Variants in SLC9A9 observed in about 807,000 individuals in gnomAD.
SLC9A9 encodes the protein sodium/hydrogen exchanger 9.
SLC9A9 carries 62 observed loss-of-function variants against 77.8 expected under a neutral mutation model. The ratio of observed to expected loss-of-function variants is 0.80; its 90% CI spans 0.65 to 0.98. The LOEUF (loss-of-function observed/expected upper bound fraction) is 0.98, where lower values mean the gene tolerates loss of function less well. Ranked by LOEUF, SLC9A9 falls within the 50% of genes least tolerant of loss-of-function variation. The pLI, the probability that SLC9A9 is intolerant of heterozygous loss-of-function variation, is 0.00. For synonymous variants in SLC9A9, 320 were observed against 283.5 expected (o/e 1.13, Z -1.29); for missense variants, 775 against 774.9 (o/e 1.00, Z 0.00).
chr3:143,748,349 A>T (rs558728264), intron 4 of SLC9A9, among the ~76,000 whole-genome samples: 1 of 152,300 alleles, frequency 6.6e-6, no homozygotes, highest in South Asian at 2.1e-4. Flanking sequence ...TTCAAATTGC[A>T]ACCCAGTAAA....
intron 8 of SLC9A9, among the ~76,000 whole-genome samples, chr3:143,553,246 G>A (rs969598079): frequency 1.3e-5 from 2 of 152,086 alleles, no homozygotes; most frequent in African/African-American, 4.8e-5. Flanking sequence ...GAGCGACCAT[G>A]AGACCGACAT....
At chr3:143,655,681 T>TACAC (rs4024568) in intron 5 of SLC9A9, 169,025 of 619,250 alleles carry the variant, frequency 0.27, 12,934 homozygotes, top group East Asian at 0.49. Context: ...CATGCACATG[T>TACAC]ACACACACAC....
chr3:143,592,242 G>C (rs571233805), intron 6 of SLC9A9, among the ~76,000 whole-genome samples: 1 of 152,318 alleles, frequency 6.6e-6, no homozygotes, highest in Admixed American at 6.5e-5. Flanking sequence ...AGAGGACCTT[G>C]GTGGCTGGGC....
intron 12 of SLC9A9, among the ~76,000 whole-genome samples, chr3:143,428,746 A>C (rs1315904321): frequency 1.3e-5 from 2 of 152,214 alleles, no homozygotes; most frequent in Non-Finnish European, 2.9e-5. Flanking sequence ...CACGAATATT[A>C]ACCATAAAAC....
chr3:143,335,036 T>C (rs548598161), intron 14 of SLC9A9, among the ~76,000 whole-genome samples: 6 of 152,114 alleles, frequency 3.9e-5, no homozygotes, highest in Admixed American at 1.3e-4. Flanking sequence ...CATAATCTTA[T>C]ATATAGAAAA....
intron 4 of SLC9A9, among the ~76,000 whole-genome samples, chr3:143,777,859 C>T (rs1423652353): frequency 2.6e-5 from 4 of 151,544 alleles, no homozygotes; most frequent in Non-Finnish European, 4.4e-5. Context: ...GGATTACAGG[C>T]ACATGCCACC....
intron 5 of SLC9A9, among the ~76,000 whole-genome samples, chr3:143,674,500 C>A (rs1309887739): frequency 1.3e-4 from 20 of 152,254 alleles, no homozygotes; most frequent in Admixed American, 9.8e-4. Flanking sequence ...GCAGTGCCAG[C>A]GCCCTGGTTC....
intron 2 of SLC9A9, among the ~76,000 whole-genome samples, chr3:143,800,245 C>G (rs1316066371): frequency 6.6e-6 from 1 of 152,100 alleles, no homozygotes; most frequent in African/African-American, 2.4e-5. Flanking sequence ...CCATTAAAAC[C>G]TAATCACCCT....
At chr3:143,436,450 T>G (rs1576495826) in intron 12 of SLC9A9, among the ~76,000 whole-genome samples, 1 of 152,234 alleles carries the variant, frequency 6.6e-6, no homozygotes, top group East Asian at 1.9e-4. Flanking sequence ...CAAAACAGCC[T>G]CAGCCAGATC....
At chr3:143,472,790 C>T (rs2035400308) in intron 11 of SLC9A9, among the ~76,000 whole-genome samples, 1 of 152,196 alleles carries the variant, frequency 6.6e-6, no homozygotes, top group South Asian at 2.1e-4. Flanking sequence ...GTGATTGATA[C>T]CTCCTAGATT....
At chr3:143,319,487 A>G (rs941678537) in intron 14 of SLC9A9, among the ~76,000 whole-genome samples, 1 of 152,214 alleles carries the variant, frequency 6.6e-6, no homozygotes, top group Non-Finnish European at 1.5e-5. Flanking sequence ...ATTCCCTGAG[A>G]AAAAGACGCT....
chr3:143,797,201 G>GTATATAAAATATATATAAAAATATATATT (rs1441558984), intron 2 of SLC9A9, among the ~76,000 whole-genome samples: 16 of 150,612 alleles, frequency 1.1e-4, no homozygotes, highest in Non-Finnish European at 3.0e-5. Flanking sequence ...AAATATATAT[G>GTATATAAAATATATATAAAAATATATATT]TATATAGGCT....
intron 4 of SLC9A9, among the ~76,000 whole-genome samples, chr3:143,731,422 A>G (rs1303514237): frequency 6.6e-6 from 1 of 152,154 alleles, no homozygotes; most frequent in Non-Finnish European, 1.5e-5. Flanking sequence ...GGATGGAGAT[A>G]GTGCTTCTGC....
chr3:143,309,678 G>A (rs1028153653), intron 14 of SLC9A9, among the ~76,000 whole-genome samples: 1 of 152,120 alleles, frequency 6.6e-6, no homozygotes, highest in African/African-American at 2.4e-5. Flanking sequence ...TTGTTTCCCT[G>A]TATCTCAAGT....
intron 14 of SLC9A9, among the ~76,000 whole-genome samples, chr3:143,305,025 C>T (rs571418416): frequency 6.6e-6 from 1 of 152,206 alleles, no homozygotes; most frequent in South Asian, 2.1e-4. Flanking sequence ...AACCAGATAT[C>T]AACATTATTA....
intron 1 of SLC9A9, among the ~76,000 whole-genome samples, chr3:143,832,634 TTTA>T (rs1438253993): frequency 6.6e-6 from 1 of 152,098 alleles, no homozygotes; most frequent in Non-Finnish European, 1.5e-5. Context: ...CCCATCAGAC[TTTA>T]TTATGTCACA....
At chr3:143,835,733 G>A (rs975991166) in intron 1 of SLC9A9, among the ~76,000 whole-genome samples, 9 of 152,192 alleles carry the variant, frequency 5.9e-5, no homozygotes, top group African/African-American at 1.4e-4. Flanking sequence ...TGGCTGCCAC[G>A]GCTTATGAAC....
intron 5 of SLC9A9, among the ~76,000 whole-genome samples, chr3:143,691,925 T>C (rs916163313): frequency 6.6e-6 from 1 of 152,078 alleles, no homozygotes; most frequent in Non-Finnish European, 1.5e-5. Context: ...TTTGCTAGAG[T>C]AGCAATCCAA....
chr3:143,313,748 G>A (rs556832431), intron 14 of SLC9A9, among the ~76,000 whole-genome samples: 1 of 152,376 alleles, frequency 6.6e-6, no homozygotes, highest in African/African-American at 2.4e-5. Flanking sequence ...ATTCTGGCTA[G>A]AGGCCAGGCA....
Sources: allele counts gnomAD v4.1 joint callset (sites outside exome capture counted in the v4.1 genomes callset), GRCh38; gene constraint gnomAD v4.1.1; transcripts MANE v1.5; gene names NCBI Gene and HGNC (gene_info 2026-07-23, HGNC 2026-07-21).